SLIT1: variants seen among roughly 807,000 people sequenced by gnomAD.
SLIT1 encodes slit guidance ligand 1, also known as slit homolog 1 protein.
Under a neutral mutation model 186.1 loss-of-function variants are expected in SLIT1, and 66 were observed. That is an observed-to-expected ratio of 0.35 (90% CI 0.29 to 0.44). SLIT1 has a LOEUF of 0.44. Ranked by LOEUF, SLIT1 falls within the 20% of genes least tolerant of loss-of-function variation. The pLI, the probability that SLIT1 is intolerant of heterozygous loss-of-function variation, is 1.00. For missense variants in SLIT1, 1,638 were observed against 2,037.4 expected, an observed-to-expected ratio of 0.80 and a Z score of 3.77; for synonymous variants, 761 against 833.8, an observed-to-expected ratio of 0.91 and a Z score of 1.50.
Position 96,999,054 on chromosome 10 carries a change from G to GC in SLIT1, c.*2057dup, listed in dbSNP as rs1447696910. On this transcript the variant is annotated 3_prime_UTR_variant, in exon 37 of 37. Coordinates refer to ENST00000266058, the MANE Select transcript of SLIT1 (RefSeq NM_003061.3). Reference sequence around the variant, plus strand: ...CTTCCAGGGAAGAGGCAAGCTAGCTGCCCTTGAGCTTTTCTGCCCTATCCA... The same window carrying GC: ...CTTCCAGGGAAGAGGCAAGCTAGCTGCCCCTTGAGCTTTTCTGCCCTATCCA... The GC allele has an allele frequency of 6.6e-6, 1 of 152,316 alleles. No individual in the cohort carries two copies. The highest frequency in any genetic ancestry group is 1.5e-5 in the Non-Finnish European group (1 of 68,110). 9.4% of individuals were successfully genotyped at this position (152,316 alleles called of 1,614,324 possible). A position where few individuals can be genotyped will look rare whatever the true frequency, so the allele number is the denominator to read the frequency against.
chr10:97,089,675 G>C (rs1290371640), intron 4 of SLIT1, among the ~76,000 whole-genome samples: 1 of 152,178 alleles, frequency 6.6e-6, no homozygotes, highest in Non-Finnish European at 1.5e-5. Context: ...TCATGGCTGG[G>C]GGAGGGAGGC....
chr10:97,159,786 T>C (rs1850002416), intron 3 of SLIT1, among the ~76,000 whole-genome samples: 1 of 152,158 alleles, frequency 6.6e-6, no homozygotes, highest in South Asian at 2.1e-4. Flanking sequence ...CTCTTTCTCT[T>C]GAAAGTGACA....
chr10:97,062,657 T>A (rs1396169351), intron 8 of SLIT1, among the ~76,000 whole-genome samples: 1 of 152,068 alleles, frequency 6.6e-6, no homozygotes, highest in Non-Finnish European at 1.5e-5. Flanking sequence ...AGGCCAGGGC[T>A]GGGGGCACCT....
intron 7 of SLIT1, 30 bp downstream of exon 7, chr10:97,064,138 C>G: frequency 6.3e-7 from 1 of 1,588,540 alleles, no homozygotes; most frequent in Non-Finnish European, 8.6e-7. Flanking sequence ...GGCTTGGCTG[C>G]CCCGCTCCCA....
At chr10:97,097,930 C>G (rs767176255) in intron 4 of SLIT1, among the ~76,000 whole-genome samples, 19 of 152,186 alleles carry the variant, frequency 1.2e-4, no homozygotes, top group Admixed American at 8.5e-4. Context: ...CTTTCACTTC[C>G]ACACGTACAT....
chr10:97,167,672 T>C (rs923794030), intron 1 of SLIT1, among the ~76,000 whole-genome samples: 1 of 152,238 alleles, frequency 6.6e-6, no homozygotes, highest in Non-Finnish European at 1.5e-5. Context: ...GGTTTGGCTG[T>C]GTACCCACCT....
At chr10:97,003,701 T>C (rs1183166567) in intron 34 of SLIT1, among the ~76,000 whole-genome samples, 2 of 152,164 alleles carry the variant, frequency 1.3e-5, no homozygotes, top group Non-Finnish European at 2.9e-5. Flanking sequence ...TGCCTGAGTC[T>C]CTTGCAGTGG....
chr10:97,001,359 G>A lies in SLIT1; in HGVS notation c.4367-9C>T. On this transcript the variant is annotated splice_polypyrimidine_tract_variant and intron_variant, in intron 36 of 36. Coordinates refer to ENST00000266058, the MANE Select transcript of SLIT1 (RefSeq NM_003061.3). ...CCCCCGGCACTCGGACTCTGGATGG[G>A]ACAGACACCAAGAGAAAGCCTCAGG... The A allele has an allele frequency of 6.2e-7, 1 of 1,605,958 alleles. No homozygotes were observed. The highest frequency in any genetic ancestry group is 8.5e-7 in the Non-Finnish European group (1 of 1,174,300).
chr10:97,120,048 G>A (rs910119686), intron 4 of SLIT1, among the ~76,000 whole-genome samples: 1 of 150,988 alleles, frequency 6.6e-6, no homozygotes, highest in African/African-American at 2.4e-5. Context: ...ATAGAGCTAA[G>A]AGTTTTACAA....
At chr10:97,038,922 A>G (rs1848665730) in intron 21 of SLIT1, among the ~76,000 whole-genome samples, 1 of 152,172 alleles carries the variant, frequency 6.6e-6, no homozygotes, top group Non-Finnish European at 1.5e-5. Flanking sequence ...CACCATCTTC[A>G]GTCAAAGAAG....
chr10:97,074,760 C>T (rs1277310180), intron 4 of SLIT1, among the ~76,000 whole-genome samples: 1 of 152,228 alleles, frequency 6.6e-6, no homozygotes, highest in Admixed American at 6.5e-5. Flanking sequence ...CAGGCCCACA[C>T]CCTGACTTGG....
At chr10:97,082,330 G>C (rs1290968914) in intron 4 of SLIT1, among the ~76,000 whole-genome samples, 2 of 152,266 alleles carry the variant, frequency 1.3e-5, no homozygotes, top group African/African-American at 4.8e-5. Flanking sequence ...GATGATAGTG[G>C]TGGTGGCAAC....
At chr10:97,109,748 G>C (rs1849447616) in intron 4 of SLIT1, among the ~76,000 whole-genome samples, 1 of 152,184 alleles carries the variant, frequency 6.6e-6, no homozygotes, top group Non-Finnish European at 1.5e-5. Context: ...TTTTGTGCCT[G>C]ATCAGTCATC....
intron 11 of SLIT1, among the ~76,000 whole-genome samples, chr10:97,059,193 C>G (rs1848868262): frequency 6.6e-6 from 1 of 152,242 alleles, no homozygotes; most frequent in African/African-American, 2.4e-5. Context: ...GGGAGTGCAT[C>G]CCAGTTGCCA....
At chr10:97,044,566 T>TAA (rs1848718847) in intron 18 of SLIT1, among the ~76,000 whole-genome samples, 1 of 152,084 alleles carries the variant, frequency 6.6e-6, no homozygotes, top group Non-Finnish European at 1.5e-5. Flanking sequence ...CAAAGACACT[T>TAA]ATGCAATATT....
chr10:97,092,662 A>G (rs541022367), intron 4 of SLIT1, among the ~76,000 whole-genome samples: 22 of 152,362 alleles, frequency 1.4e-4, no homozygotes, highest in African/African-American at 5.3e-4. Flanking sequence ...AATTATTCCA[A>G]GCTTCTGGAA....
intron 1 of SLIT1, among the ~76,000 whole-genome samples, chr10:97,177,976 CA>C (rs1266541047): frequency 2.0e-5 from 3 of 151,676 alleles, no homozygotes; most frequent in Non-Finnish European, 1.5e-5. Flanking sequence ...AACTCCATCT[CA>C]AAAAAACAAA....
intron 4 of SLIT1, among the ~76,000 whole-genome samples, chr10:97,110,340 C>T (rs1176181841): frequency 1.3e-5 from 2 of 152,172 alleles, no homozygotes; most frequent in Non-Finnish European, 2.9e-5. Flanking sequence ...TCACCGAAGA[C>T]GCTCTCCCAA....
Position 97,115,191 on chromosome 10 carries a change from G to A in SLIT1, c.413+42627C>T, listed in dbSNP as rs77182234. ...GCAGGGGCCCCTTCCTGGCTTCCCCGTAAGGTTGGTTTAGAGATTGCCCAC... is the reference window on the plus strand; with the variant it reads ...GCAGGGGCCCCTTCCTGGCTTCCCCATAAGGTTGGTTTAGAGATTGCCCAC... On this transcript the variant is annotated intron_variant, in intron 4 of 36. Coordinates refer to ENST00000266058, the MANE Select transcript of SLIT1 (RefSeq NM_003061.3). Among the ~76,000 whole-genome samples, 1,076 of 152,280 alleles carry A rather than the reference G, an allele frequency of 7.1e-3. 3 individuals are homozygous for A. Among genetic ancestry groups the A allele is most frequent in the Non-Finnish European group, 0.01 (701 of 68,010 alleles).
Sources: gnomAD v4.1 joint callset for allele counts (sites outside exome capture counted in the v4.1 genomes callset) on GRCh38, gnomAD v4.1.1 for gene constraint, MANE v1.5 for transcripts, NCBI Gene and HGNC (gene_info 2026-07-23, HGNC 2026-07-21) for gene names.